The following NBPF15 variants were observed in gnomAD, a reference collection of about 807,000 sequenced individuals.
The protein encoded by NBPF15 is NBPF family member NBPF15.
In NBPF15, 74 loss-of-function variants were observed where a neutral mutation model predicts 62.2. The ratio of observed to expected loss-of-function variants is 1.19; its 90% CI spans 0.99 to 1.44. The LOEUF is 1.44. Among genes scored for constraint, NBPF15 ranks in the 40% most tolerant of loss-of-function variants. The pLI, the probability that NBPF15 is intolerant of heterozygous loss-of-function variation, is 0.00. For synonymous variants in NBPF15, 244 were observed against 209.7 expected (o/e 1.16, Z -1.41); for missense variants, 790 against 550.0 (o/e 1.44, Z -4.36).
intron 4 of NBPF15, among the ~76,000 whole-genome samples, chr1:144,453,638 C>CAAAAAAAAAAAAAAA (rs200525708): frequency 8.8e-4 from 32 of 36,388 alleles, no homozygotes; most frequent in East Asian, 2.4e-3. Context: ...CAACACAAAG[C>CAAAAAAAAAAAAAAA]AAAAAAAAAA....
chr1:144,451,536 C>T (rs1691154616), intron 4 of NBPF15, among the ~76,000 whole-genome samples: 1 of 151,922 alleles, frequency 6.6e-6, no homozygotes, highest in African/African-American at 2.4e-5. Flanking sequence ...TTGGACAATA[C>T]CTGGCTTTCC....
chr1:144,423,105 T>C lies in NBPF15; in HGVS notation c.1921A>G (p.Ser641Gly), dbSNP rs1553538527. The C allele has an allele frequency of 1.2e-6, 2 of 1,611,672 alleles. No homozygotes were observed. Among genetic ancestry groups the C allele is most frequent in the Admixed American group, 1.7e-5 (1 of 59,996 alleles). The change falls in exon 22 of 22, where the codon AGC becomes GGC. Residue 641 changes from serine (S) to glycine (G), a missense_variant. Physicochemically the swap from Ser to Gly is moderately conservative, Grantham distance 56. Transcript: ENST00000581897. Reference protein sequence around the residue: ...VFYSFEEEHISFALYVDNRFF... With the variant: ...VFYSFEEEHIGFALYVDNRFF... The stretch of plus-strand genomic sequence containing the variant: ...CTATTGTCCACGTAAAGGGCGAAGC[T>C]GATATGCTCTTCCTCAAATGAGTAA...
intron 13 of NBPF15, among the ~76,000 whole-genome samples, chr1:144,432,777 C>A (rs1178488846): frequency 6.6e-6 from 1 of 151,678 alleles, no homozygotes. Context: ...ATATATGCAC[C>A]CTATACAGGA....
intron 4 of NBPF15, among the ~76,000 whole-genome samples, chr1:144,455,531 G>T (rs1177534437): frequency 6.6e-6 from 1 of 151,978 alleles, no homozygotes. Context: ...AAGTTCTGGT[G>T]CCCAAAAGAA....
chr1:144,435,186 C>T lies in NBPF15; in HGVS notation c.697G>A (p.Glu233Lys). The T allele has an allele frequency of 6.2e-7, 1 of 1,613,032 alleles. No individual in the cohort carries two copies. The highest frequency in any genetic ancestry group is 1.1e-5 in the South Asian group (1 of 91,018). ...ATGAGAGTTGAGTCGACTTTGTCTT[C>T]CTCAAATGTGATTTTGGTTTTCTTA... Reference protein sequence around the residue: ...PHKKTKITFEEDKVDSTLIGS... With the variant: ...PHKKTKITFEKDKVDSTLIGS... The change falls in exon 12 of 22, where the codon GAA (glutamate) becomes AAA (lysine). Residue 233 changes from glutamate to lysine, a missense_variant. Physicochemically the swap from Glu to Lys is moderately conservative, Grantham distance 56 (BLOSUM62 1). Transcript: ENST00000581897.
chr1:144,431,662 G>A (rs1381730253), intron 13 of NBPF15, among the ~76,000 whole-genome samples: 1 of 98,936 alleles, frequency 1.0e-5, no homozygotes, highest in East Asian at 3.1e-4. Flanking sequence ...CCTACAACAG[G>A]CCCCAGTGTG....
intron 21 of NBPF15, among the ~76,000 whole-genome samples, 197 bp from the exon 22 acceptor site, chr1:144,423,453 C>CAGAGAG (rs781837791): frequency 6.6e-6 from 1 of 151,190 alleles, no homozygotes; most frequent in East Asian, 1.9e-4. Flanking sequence ...AAGAGAAAGA[C>CAGAGAG]AGAGAGAGAG....
At position 144,441,087 on chromosome 1, in the gene NBPF15, G is replaced by T. The variant is rs1407593147; in HGVS notation, c.-190-792C>A. On this transcript the variant is annotated intron_variant, in intron 6 of 21. Transcript: ENST00000581897. ...TGATTGTATGATTATCACACAATTT[G>T]ATATCCATTTTTCTGATGGGAGACA... is the stretch of plus-strand genomic sequence containing the variant. Among the ~76,000 whole-genome samples the T allele has an allele frequency of 5.4e-3, 823 of 151,906 alleles. 13 individuals are homozygous for T. Among genetic ancestry groups the T allele is most frequent in the African/African-American group, 0.018 (751 of 41,382 alleles).
Position 144,423,036 on chromosome 1 carries a change from T to A in NBPF15, c.1990A>T (p.Met664Leu). 1 of 1,611,640 alleles carries A rather than the reference T, an allele frequency of 6.2e-7. No individual in the cohort carries two copies. ...GCTTATTGTGGGAATATGACTCCCA[T>A]CTGGAACACCAGGTGGAGACTTGTC... ...TVTSLHLVFQ[M>L]GVIFPQ Residue 664 changes from methionine to leucine, a missense_variant, in exon 22 of 22, where the codon ATG becomes TTG. By Grantham distance (15) the Met-to-Leu change is conservative. Coordinates refer to ENST00000581897, the MANE Select transcript of NBPF15 (RefSeq NM_001385408.1).
At chr1:144,455,204 G>A (rs1553546586) in intron 4 of NBPF15, among the ~76,000 whole-genome samples, 2 of 146,622 alleles carry the variant, frequency 1.4e-5, no homozygotes, top group Non-Finnish European at 3.0e-5. Flanking sequence ...AGGGAGGGAA[G>A]GCAGAAGGGA....
At chr1:144,442,737 G>C (rs1684502472) in intron 6 of NBPF15, 1 of 195,598 alleles carries the variant, frequency 5.1e-6, no homozygotes, top group African/African-American at 2.3e-5. Flanking sequence ...TTGGTGTCCT[G>C]GTTGGCAAAG....
intron 17 of NBPF15, among the ~76,000 whole-genome samples, chr1:144,426,793 T>C (rs1485842130): frequency 6.6e-6 from 1 of 151,290 alleles, no homozygotes; most frequent in Admixed American, 6.6e-5. Context: ...TAATTTTCCA[T>C]AAACTTGCTC....
chr1:144,436,302 T>C (rs1678273750), intron 10 of NBPF15, among the ~76,000 whole-genome samples: 1 of 152,036 alleles, frequency 6.6e-6, no homozygotes, highest in Admixed American at 6.6e-5. Flanking sequence ...TGCTGTGTTA[T>C]TCAGGGACAT....
At chr1:144,427,535 C>G (rs1297078730) in intron 16 of NBPF15, among the ~76,000 whole-genome samples, 1 of 147,824 alleles carries the variant, frequency 6.8e-6, no homozygotes, top group Non-Finnish European at 1.5e-5. Context: ...GAGACAAAAT[C>G]AGAGTTGTGT....
At chr1:144,440,364 G>T in intron 6 of NBPF15, 69 bp from the exon 7 acceptor site, 1 of 911,030 alleles carries the variant, frequency 1.1e-6, no homozygotes. Flanking sequence ...CATTCCAATT[G>T]CCCAGGCTTT....
rs2101462779 is a variant in NBPF15, at chr1:144,422,906, C to T, written c.*107G>A. On this transcript the variant is annotated 3_prime_UTR_variant, in exon 22 of 22. Coordinates refer to ENST00000581897, the MANE Select transcript of NBPF15 (RefSeq NM_001385408.1). Reference sequence around the variant, plus strand: ...TAGGAATAGAGCCATGCTCACTGACCCATCCTATGTCTGGGCTTCCAAATG... The same window carrying T: ...TAGGAATAGAGCCATGCTCACTGACTCATCCTATGTCTGGGCTTCCAAATG... The T allele has an allele frequency of 1.9e-6, 3 of 1,609,196 alleles. No homozygotes were observed. Among genetic ancestry groups the T allele is most frequent in the South Asian group, 2.2e-5 (2 of 90,404 alleles).
intron 19 of NBPF15, among the ~76,000 whole-genome samples, chr1:144,425,100 A>ACG (rs1668756700): frequency 1.6e-4 from 23 of 141,114 alleles, no homozygotes; most frequent in African/African-American, 7.1e-4. Context: ...ACACACACAC[A>ACG]CACAGACACA....
chr1:144,434,661 C>T, intron 12 of NBPF15, among the ~76,000 whole-genome samples: 4 of 151,522 alleles, frequency 2.6e-5, no homozygotes, highest in Middle Eastern at 6.8e-3. Context: ...GACTGTGCAG[C>T]TAAGCAAGCT....
At chr1:144,433,469 A>T (rs1675989320) in intron 13 of NBPF15, among the ~76,000 whole-genome samples, 1 of 148,896 alleles carries the variant, frequency 6.7e-6, no homozygotes, top group South Asian at 2.2e-4. Flanking sequence ...ACTAAAGGAG[A>T]TAGAGACACA....
Sources: gnomAD v4.1 joint callset for allele counts (sites outside exome capture counted in the v4.1 genomes callset) on GRCh38, gnomAD v4.1.1 for gene constraint, MANE v1.5 for transcripts, NCBI Gene and HGNC (gene_info 2026-07-23, HGNC 2026-07-21) for gene names.